GRM8: variants seen among roughly 807,000 people sequenced by gnomAD.
GRM8 encodes metabotropic glutamate receptor 8.
Under a neutral mutation model 87.2 loss-of-function variants are expected in GRM8, and 47 were observed. That is an observed-to-expected ratio of 0.54 (90% confidence interval 0.43 to 0.69). The LOEUF (loss-of-function observed/expected upper bound fraction) is 0.69. Ranked by LOEUF, GRM8 falls within the 30% of genes least tolerant of loss-of-function variation. The pLI, the probability that GRM8 is intolerant of heterozygous loss-of-function variation, is 0.00. For missense variants in GRM8, 1,019 were observed against 1,139.2 expected, an observed-to-expected ratio of 0.89 and a Z score of 1.52; for synonymous variants, 396 against 404.5, an observed-to-expected ratio of 0.98 and a Z score of 0.25.
intron 9 of GRM8, among the ~76,000 whole-genome samples, chr7:126,485,697 G>A (rs1037739004): frequency 3.9e-5 from 6 of 151,976 alleles, no homozygotes; most frequent in African/African-American, 1.4e-4. Context: ...CAAATTAGCA[G>A]TTGTTAACCT....
intron 7 of GRM8, among the ~76,000 whole-genome samples, chr7:126,623,302 AT>A (rs1312770694): frequency 3.3e-5 from 5 of 152,270 alleles, no homozygotes; most frequent in East Asian, 1.9e-4. Context: ...AAAAGTCTAA[AT>A]TTTTTTAATG....
chr7:127,086,077 C>G (rs1041662409), intron 3 of GRM8, among the ~76,000 whole-genome samples: 1 of 152,068 alleles, frequency 6.6e-6, no homozygotes, highest in African/African-American at 2.4e-5. Flanking sequence ...CCAGAGGAAG[C>G]AAAGTTTTTG....
chr7:127,178,881 G>C (rs568638439), intron 2 of GRM8, among the ~76,000 whole-genome samples: 43 of 152,098 alleles, frequency 2.8e-4, no homozygotes, highest in African/African-American at 9.6e-4. Context: ...CATCAAAACA[G>C]AAACTCTTTA....
chr7:126,711,105 G>A (rs1464090009), intron 7 of GRM8, among the ~76,000 whole-genome samples: 1 of 152,192 alleles, frequency 6.6e-6, no homozygotes, highest in Non-Finnish European at 1.5e-5. Context: ...AACCCAGGAG[G>A]TGGAGGTTGT....
intron 3 of GRM8, among the ~76,000 whole-genome samples, chr7:127,018,949 C>T (rs978025387): frequency 2.6e-5 from 4 of 151,938 alleles, no homozygotes; most frequent in African/African-American, 9.7e-5. Context: ...GAAAAGCAGA[C>T]TCCTATATGG....
chr7:127,033,673 T>C (rs188142911), intron 3 of GRM8, among the ~76,000 whole-genome samples: 1 of 152,280 alleles, frequency 6.6e-6, no homozygotes, highest in East Asian at 1.9e-4. Context: ...TGGCTTTCTA[T>C]TGATTATGCA....
At chr7:126,965,007 A>G (rs1809699752) in intron 3 of GRM8, among the ~76,000 whole-genome samples, 1 of 152,232 alleles carries the variant, frequency 6.6e-6, no homozygotes, top group Admixed American at 6.5e-5. Context: ...TGTCTTTTGC[A>G]GGGACATGGA....
At chr7:127,001,294 A>C (rs1250780192) in intron 3 of GRM8, among the ~76,000 whole-genome samples, 1 of 151,686 alleles carries the variant, frequency 6.6e-6, no homozygotes, top group African/African-American at 2.4e-5. Context: ...AATCTCCTAA[A>C]AGGAGAAAAC....
chr7:127,022,775 C>T (rs1006404499), intron 3 of GRM8, among the ~76,000 whole-genome samples: 1 of 151,982 alleles, frequency 6.6e-6, no homozygotes, highest in African/African-American at 2.4e-5. Context: ...TTTGTTTCAC[C>T]AATCACCTAA....
At chr7:126,935,693 G>A (rs561430876) in intron 3 of GRM8, among the ~76,000 whole-genome samples, 1 of 152,310 alleles carries the variant, frequency 6.6e-6, no homozygotes, top group East Asian at 1.9e-4. Flanking sequence ...GTGTGTTAGA[G>A]ATGATAACAG....
chr7:127,226,602 C>T (rs1477986255), intron 2 of GRM8, among the ~76,000 whole-genome samples: 6 of 152,216 alleles, frequency 3.9e-5, no homozygotes, highest in African/African-American at 9.6e-5. Context: ...AGAACTGGCA[C>T]TTGTAAAAAC....
intron 3 of GRM8, among the ~76,000 whole-genome samples, chr7:127,024,562 CAA>C (rs1816587683): frequency 6.6e-6 from 1 of 152,106 alleles, no homozygotes; most frequent in Non-Finnish European, 1.5e-5. Flanking sequence ...TTCTAACACA[CAA>C]GAGACGACAT....
intron 7 of GRM8, among the ~76,000 whole-genome samples, chr7:126,687,127 C>T (rs553380805): frequency 6.8e-4 from 103 of 152,314 alleles, no homozygotes; most frequent in South Asian, 2.1e-3. Flanking sequence ...AGATGCAATA[C>T]GGTTGGCACA....
intron 2 of GRM8, among the ~76,000 whole-genome samples, chr7:127,128,655 A>G (rs1353859821): frequency 6.6e-6 from 1 of 152,306 alleles, no homozygotes; most frequent in Admixed American, 6.5e-5. Flanking sequence ...TTTATAGGTA[A>G]GAAAACTGAG....
intron 7 of GRM8, among the ~76,000 whole-genome samples, chr7:126,634,701 A>C (rs1227386350): frequency 6.6e-6 from 1 of 151,730 alleles, no homozygotes; most frequent in Non-Finnish European, 1.5e-5. Flanking sequence ...GAGATTGTAC[A>C]TTTTCATCAT....
intron 2 of GRM8, among the ~76,000 whole-genome samples, chr7:127,179,052 T>A (rs1794283725): frequency 6.6e-6 from 1 of 152,176 alleles, no homozygotes; most frequent in Admixed American, 6.5e-5. Flanking sequence ...ATGTTCCACT[T>A]AAAAGATACA....
chr7:127,224,910 T>C (rs1797220338), intron 2 of GRM8, among the ~76,000 whole-genome samples: 1 of 152,182 alleles, frequency 6.6e-6, no homozygotes, highest in South Asian at 2.1e-4. Flanking sequence ...CCCCTGTGCC[T>C]GGCCCATGTC....
chr7:126,457,855 A>C (rs1186450840), intron 9 of GRM8, among the ~76,000 whole-genome samples: 1 of 151,242 alleles, frequency 6.6e-6, no homozygotes, highest in East Asian at 1.9e-4. Flanking sequence ...GCTAAAAAAA[A>C]AAATCTTTGG....
At chr7:127,176,222 A>G (rs1794098639) in intron 2 of GRM8, among the ~76,000 whole-genome samples, 1 of 152,236 alleles carries the variant, frequency 6.6e-6, no homozygotes, top group Admixed American at 6.5e-5. Flanking sequence ...ATAAAATCAC[A>G]TGAAGTGCTC....
Sources: allele counts gnomAD v4.1 joint callset (sites outside exome capture counted in the v4.1 genomes callset), GRCh38; gene constraint gnomAD v4.1.1; transcripts MANE v1.5; gene names NCBI Gene and HGNC (gene_info 2026-07-23, HGNC 2026-07-21).